The following PATJ variants were observed in gnomAD, a reference collection of about 807,000 sequenced individuals.
The protein encoded by PATJ is inaD-like protein.
A neutral mutation model predicts 224.9 loss-of-function variants in PATJ; 190 were observed. That is an observed-to-expected ratio of 0.84 (90% CI 0.75 to 0.95). The LOEUF is 0.95. PATJ is among the 40% of genes least tolerant of loss of function. The pLI, the probability that PATJ is intolerant of heterozygous loss-of-function variation, is 0.00. For synonymous variants in PATJ, 769 were observed against 820.3 expected (o/e 0.94, Z 1.07); for missense variants, 2,121 against 2,270.3 (o/e 0.93, Z 1.34).
At position 61,823,098 on chromosome 1, in the gene PATJ, GA is replaced by G. The variant is rs747532664; in HGVS notation, c.1818+22del. 6.2e-7 allele frequency: 1 copy of G among 1,613,328 alleles called. No individual in the cohort carries two copies. Among genetic ancestry groups the G allele is most frequent in the South Asian group, 1.1e-5 (1 of 90,962 alleles). ...GCTTGAGGTAAAATTTATGGGGAAA[GA>G]AAGACACAGGCAAGAATCTGTAAGT... On this transcript the variant is annotated intron_variant, in intron 15 of 43. Coordinates refer to ENST00000642238, the MANE Select transcript of PATJ (RefSeq NM_001350145.3).
intron 33 of PATJ, among the ~76,000 whole-genome samples, chr1:62,103,858 G>A (rs1446628796): frequency 1.3e-5 from 2 of 151,954 alleles, no homozygotes; most frequent in Admixed American, 1.3e-4. Context: ...TCTAAAAAGC[G>A]GAGCCCTGGG....
At chr1:61,781,027 A>G (rs1362524879) in intron 7 of PATJ, among the ~76,000 whole-genome samples, 1 of 152,242 alleles carries the variant, frequency 6.6e-6, no homozygotes, top group East Asian at 1.9e-4. Flanking sequence ...TGTAACCTTC[A>G]AAATACTCTT....
At chr1:61,917,302 C>T (rs572170194) in intron 26 of PATJ, among the ~76,000 whole-genome samples, 59 of 152,268 alleles carry the variant, frequency 3.9e-4, no homozygotes, top group African/African-American at 1.3e-3. Context: ...TAGGTCAGGT[C>T]TCTTTCACTG....
intron 33 of PATJ, chr1:62,100,526 T>A (rs1662023611): frequency 3.3e-6 from 2 of 614,880 alleles, no homozygotes; most frequent in Non-Finnish European, 6.0e-6. Context: ...AATCACGCCT[T>A]AAAGGTCTCA....
In PATJ at chr1:62,140,003, G is replaced by T. The variant is rs112340269; in HGVS notation, c.5272-8281G>T. Among the ~76,000 whole-genome samples the T allele has an allele frequency of 7.6e-3, 1,158 of 152,106 alleles. 16 individuals carry two copies. Among genetic ancestry groups the T allele is most frequent in the African/African-American group, 0.026 (1,082 of 41,512 alleles). ...TCGAACTCCTGGGCTCATGTGATCT[G>T]CCTGCCTGGGCCTCCCAAAGTGTTA... On this transcript the variant is annotated intron_variant, in intron 41 of 43. Transcript: ENST00000642238.
intron 27 of PATJ, among the ~76,000 whole-genome samples, chr1:61,972,293 G>A (rs1050029061): frequency 1.1e-4 from 17 of 152,004 alleles, no homozygotes; most frequent in African/African-American, 7.3e-5. Context: ...TCATGCGACT[G>A]TGACTTCATG....
At chr1:62,032,468 A>G (rs961949711) in intron 29 of PATJ, among the ~76,000 whole-genome samples, 75 of 152,328 alleles carry the variant, frequency 4.9e-4, no homozygotes, top group African/African-American at 1.7e-3. Context: ...CCTTTATCTT[A>G]CAGTCAGCTG....
intron 33 of PATJ, among the ~76,000 whole-genome samples, chr1:62,103,935 A>C (rs1434857211): frequency 6.6e-6 from 1 of 152,152 alleles, no homozygotes; most frequent in African/African-American, 2.4e-5. Context: ...AGACCAAAGA[A>C]GTCTGACTCC....
chr1:62,109,610 A>G (rs1249549136), intron 34 of PATJ, among the ~76,000 whole-genome samples: 1 of 152,226 alleles, frequency 6.6e-6, no homozygotes, highest in Non-Finnish European at 1.5e-5. Flanking sequence ...ATGGTTTTTT[A>G]GCAGTCAGGA....
intron 27 of PATJ, among the ~76,000 whole-genome samples, chr1:61,950,645 C>T (rs1016987375): frequency 5.9e-5 from 9 of 151,852 alleles, no homozygotes; most frequent in Non-Finnish European, 7.4e-5. Flanking sequence ...AGAATGTTCA[C>T]GTCAAACTGT....
At chr1:62,042,441 G>T (rs1651691272) in intron 30 of PATJ, among the ~76,000 whole-genome samples, 1 of 151,988 alleles carries the variant, frequency 6.6e-6, no homozygotes, top group Admixed American at 6.6e-5. Context: ...CCCCTTAGAT[G>T]TTTCTATTGA....
At chr1:61,812,317 G>T (rs7529082) in intron 14 of PATJ, among the ~76,000 whole-genome samples, 57,175 of 150,030 alleles carry the variant, frequency 0.38, 12,602 homozygotes, top group Middle Eastern at 0.54. Context: ...AGGTCTTACC[G>T]TGCCTGCTAA....
intron 1 of PATJ, among the ~76,000 whole-genome samples, chr1:61,756,073 G>A (rs1208223056): frequency 1.3e-5 from 2 of 152,152 alleles, no homozygotes; most frequent in Non-Finnish European, 2.9e-5. Flanking sequence ...GATTGCAGGC[G>A]TGAGCCACCG....
intron 37 of PATJ, 162 bp from the exon 38 acceptor site, chr1:62,121,019 A>C: frequency 1.7e-5 from 9 of 529,300 alleles, no homozygotes; most frequent in Non-Finnish European, 2.0e-5. Flanking sequence ...TGAGGTAGTA[A>C]GAGAATAGTG....
intron 43 of PATJ, among the ~76,000 whole-genome samples, chr1:62,155,283 T>C (rs1669066907): frequency 6.6e-6 from 1 of 152,154 alleles, no homozygotes; most frequent in Non-Finnish European, 1.5e-5. Flanking sequence ...TGGGTCAGCT[T>C]CTAAGGCCTT....
intron 27 of PATJ, among the ~76,000 whole-genome samples, chr1:61,969,595 T>C (rs942006714): frequency 6.6e-6 from 1 of 152,258 alleles, no homozygotes; most frequent in Admixed American, 6.5e-5. Flanking sequence ...TTTTAGGAGT[T>C]CTTTATATAT....
chr1:61,905,091 TCA>T (rs1557854073), intron 24 of PATJ, among the ~76,000 whole-genome samples: 1 of 151,268 alleles, frequency 6.6e-6, no homozygotes, highest in Admixed American at 6.6e-5. Context: ...TTTTGTTGAG[TCA>T]GGTGTCTTTG....
At chr1:62,159,201 G>A (rs1558251869) in intron 43 of PATJ, among the ~76,000 whole-genome samples, 3 of 151,926 alleles carry the variant, frequency 2.0e-5, no homozygotes, top group African/African-American at 7.3e-5. Flanking sequence ...AAGTTTTGGG[G>A]TTTATTTTTG....
chr1:61,774,295 A>G (rs1347643936), intron 6 of PATJ, among the ~76,000 whole-genome samples: 3 of 152,022 alleles, frequency 2.0e-5, no homozygotes, highest in Non-Finnish European at 4.4e-5. Context: ...TCTCAAAAAG[A>G]AAGAAAGAAA....
Sources: gnomAD v4.1 joint callset for allele counts (sites outside exome capture counted in the v4.1 genomes callset) on GRCh38, gnomAD v4.1.1 for gene constraint, MANE v1.5 for transcripts, NCBI Gene and HGNC (gene_info 2026-07-23, HGNC 2026-07-21) for gene names.